Variants in HIP1 observed in about 807,000 individuals in gnomAD.
HIP1 encodes the protein huntingtin-interacting protein 1.
In HIP1, 65 loss-of-function variants were observed where a neutral mutation model predicts 147.6. The ratio of observed to expected loss-of-function variants is 0.44; its 90% confidence interval spans 0.36 to 0.54. The LOEUF is 0.54. HIP1 is among the 20% of genes least tolerant of loss of function. HIP1 has a pLI of 0.00. For synonymous variants in HIP1, 479 were observed against 504.0 expected (o/e 0.95, Z 0.67); for missense variants, 1,061 against 1,299.6 (o/e 0.82, Z 2.82).
At position 75,570,504 on chromosome 7, in the gene HIP1, G is replaced by T. The variant is rs190279814; in HGVS notation, c.746-2248C>A. Among the ~76,000 whole-genome samples the T allele has an allele frequency of 7.5e-3, 1,120 of 149,808 alleles. 15 individuals carry two copies. The highest frequency in any genetic ancestry group is 0.026 in the African/African-American group (1,066 of 40,820). On this transcript the variant is annotated intron_variant, in intron 8 of 30. Coordinates refer to ENST00000336926, the MANE Select transcript of HIP1 (RefSeq NM_005338.7). ...GACAGGGTTTCACCATGTTGGCCAG[G>T]ATGGTCTCGATCTCCTGACCTCATG...
intron 1 of HIP1, among the ~76,000 whole-genome samples, chr7:75,650,517 A>G (rs1055818581): frequency 1.4e-5 from 2 of 142,526 alleles, no homozygotes; most frequent in Admixed American, 1.5e-4. Flanking sequence ...CAATGGTGCG[A>G]TCTTGGCTCA....
At chr7:75,671,339 C>T (rs1169877137) in intron 1 of HIP1, among the ~76,000 whole-genome samples, 2 of 152,148 alleles carry the variant, frequency 1.3e-5, no homozygotes, top group East Asian at 1.9e-4. Flanking sequence ...AGTGATCTGC[C>T]TGCCTTGGCC....
intron 1 of HIP1, among the ~76,000 whole-genome samples, chr7:75,714,394 G>C (rs1801252890): frequency 6.6e-6 from 1 of 151,834 alleles, no homozygotes; most frequent in Admixed American, 6.6e-5. Flanking sequence ...TGCAAAAGTA[G>C]TGCAGAGTTC....
intron 1 of HIP1, among the ~76,000 whole-genome samples, chr7:75,651,507 CTG>C (rs1554511968): frequency 7.3e-6 from 1 of 137,282 alleles, no homozygotes; most frequent in South Asian, 2.6e-4. Flanking sequence ...ATTCTCCACA[CTG>C]TAAAAACATC....
chr7:75,700,906 C>T (rs1800808570), intron 1 of HIP1, among the ~76,000 whole-genome samples: 1 of 151,884 alleles, frequency 6.6e-6, no homozygotes, highest in Admixed American at 6.6e-5. Context: ...GGGGTTTCAC[C>T]GTGTTAGCCA....
intron 4 of HIP1, among the ~76,000 whole-genome samples, chr7:75,589,923 G>A (rs181278468): frequency 4.6e-4 from 69 of 151,578 alleles, no homozygotes; most frequent in Non-Finnish European, 8.5e-4. Flanking sequence ...TAGTAGAGAC[G>A]GGGGTTTCAC....
At chr7:75,727,361 G>A (rs1554522447) in intron 1 of HIP1, among the ~76,000 whole-genome samples, 2 of 151,376 alleles carry the variant, frequency 1.3e-5, no homozygotes, top group African/African-American at 4.9e-5. Context: ...CTCCCAAAGT[G>A]CTAGGATTAC....
In HIP1 at chr7:75,620,919, CAG is replaced by C. The variant is rs1797825014; in HGVS notation, c.121-21674_121-21673del. Reference sequence around the variant, plus strand: ...ACTGAGAAAGGCTGTACTGAGGTGACAGAGGGATACAGACTTTAAAGTGACGA... The same window carrying C: ...ACTGAGAAAGGCTGTACTGAGGTGACAGGGATACAGACTTTAAAGTGACGA... On this transcript the variant is annotated intron_variant, in intron 1 of 30. Coordinates refer to ENST00000336926, the MANE Select transcript of HIP1 (RefSeq NM_005338.7). Among the ~76,000 whole-genome samples the C allele has an allele frequency of 3.3e-5, 5 of 152,000 alleles. No individual in the cohort carries two copies. In the South Asian group the frequency reaches 1.0e-3, roughly 32 times the overall value.
At chr7:75,637,536 A>ATTTTTTTTTTTTT (rs869251770) in intron 1 of HIP1, among the ~76,000 whole-genome samples, 3 of 70,868 alleles carry the variant, frequency 4.2e-5, no homozygotes, top group Non-Finnish European at 5.2e-5. Flanking sequence ...TGCAGAGAGG[A>ATTTTTTTTTTTTT]TTTTTTTTTT....
At chr7:75,713,554 C>T (rs775914477) in intron 1 of HIP1, among the ~76,000 whole-genome samples, 7 of 152,264 alleles carry the variant, frequency 4.6e-5, no homozygotes, top group East Asian at 3.9e-4. Flanking sequence ...TGATGCAACG[C>T]GGGCTATTCC....
intron 4 of HIP1, among the ~76,000 whole-genome samples, chr7:75,589,564 TTCTAGCTAC>T (rs587712311): frequency 1.1e-3 from 171 of 151,664 alleles, no homozygotes; most frequent in African/African-American, 4.1e-3. Flanking sequence ...GGCACTGTAA[TTCTAGCTAC>T]TCGGGAGGCT....
At chr7:75,604,858 G>A (rs917355515) in intron 1 of HIP1, among the ~76,000 whole-genome samples, 1 of 152,018 alleles carries the variant, frequency 6.6e-6, no homozygotes, top group Admixed American at 6.6e-5. Flanking sequence ...ACACACACAC[G>A]CAAAAATCTT....
chr7:75,652,438 A>T (rs558005617), intron 1 of HIP1, among the ~76,000 whole-genome samples: 1 of 152,064 alleles, frequency 6.6e-6, no homozygotes, highest in African/African-American at 2.4e-5. Context: ...ATTATAACTC[A>T]CTGCAGCCTC....
chr7:75,556,279 T>C, intron 17 of HIP1, 110 bp from the exon 18 acceptor site: 1 of 1,291,398 alleles, frequency 7.7e-7, no homozygotes, highest in Non-Finnish European at 1.1e-6. Flanking sequence ...AGGTGATGGC[T>C]CTTTAACCTG....
intron 16 of HIP1, 121 bp from the exon 17 acceptor site, chr7:75,556,932 A>AC (rs1448230230): frequency 1.5e-4 from 91 of 603,846 alleles, no homozygotes; most frequent in Admixed American, 3.8e-4. Context: ...TGTAAGTTAC[A>AC]CCCCCCCAAA....
intron 4 of HIP1, among the ~76,000 whole-genome samples, chr7:75,590,550 C>T (rs781788830): frequency 2.0e-5 from 3 of 152,064 alleles, no homozygotes; most frequent in South Asian, 2.1e-4. Flanking sequence ...AAACATACCA[C>T]GTAGCATAAT....
chr7:75,730,263 C>T (rs911608596), intron 1 of HIP1, among the ~76,000 whole-genome samples: 2 of 151,918 alleles, frequency 1.3e-5, no homozygotes, highest in Non-Finnish European at 1.5e-5. Context: ...CAGAGGGTGC[C>T]AGGCAGTGAC....
At chr7:75,733,430 C>CTTTTT (rs56744076) in intron 1 of HIP1, 13 of 132,540 alleles carry the variant, frequency 9.8e-5, no homozygotes, top group African/African-American at 3.8e-4. Context: ...TTTTCTTTTT[C>CTTTTT]TTTTTTTTTT....
intron 1 of HIP1, among the ~76,000 whole-genome samples, chr7:75,661,275 T>TA (rs35661628): frequency 1.2e-3 from 167 of 135,792 alleles, no homozygotes; most frequent in East Asian, 2.1e-3. Context: ...GAGACCCTGT[T>TA]AAAAAAAAAA....
Sources: gnomAD v4.1 joint callset for allele counts (sites outside exome capture counted in the v4.1 genomes callset) on GRCh38, gnomAD v4.1.1 for gene constraint, MANE v1.5 for transcripts, NCBI Gene and HGNC (gene_info 2026-07-23, HGNC 2026-07-21) for gene names.